The following ZNF536 variants were observed in gnomAD, a reference collection of about 807,000 sequenced individuals.
ZNF536 encodes the protein zinc finger protein 536.
A neutral mutation model predicts 84.5 loss-of-function variants in ZNF536; 13 were observed. That is an observed-to-expected ratio of 0.15 (90% CI 0.10 to 0.24). The LOEUF (loss-of-function observed/expected upper bound fraction) is 0.24. Among genes scored for constraint, ZNF536 ranks in the 10% least tolerant of loss-of-function variants. ZNF536 has a pLI of 1.00. For missense variants in ZNF536, 1,536 were observed against 1,747.5 expected (o/e 0.88, Z 2.16); for synonymous variants, 811 against 742.5 (o/e 1.09, Z -1.50).
chr19:30,605,136 T>A (rs1390386991), intron 1 of ZNF536, among the ~76,000 whole-genome samples: 1 of 152,176 alleles, frequency 6.6e-6, no homozygotes, highest in African/African-American at 2.4e-5. Flanking sequence ...ATTGATGCTG[T>A]AGGAAGGTAA....
intron 3 of ZNF536, among the ~76,000 whole-genome samples, chr19:30,541,944 T>C (rs1399409514): frequency 6.6e-6 from 1 of 152,202 alleles, no homozygotes; most frequent in African/African-American, 2.4e-5. Context: ...ATTAATGTAC[T>C]GAAGCTTTGC....
intron 2 of ZNF536, among the ~76,000 whole-genome samples, chr19:30,489,037 A>G (rs1370882496): frequency 6.6e-6 from 1 of 152,160 alleles, no homozygotes; most frequent in African/African-American, 2.4e-5. Context: ...TGCCCAAGGT[A>G]TCTGCAAGAC....
At chr19:30,319,365 G>T (rs1167476179) in intron 2 of ZNF536, among the ~76,000 whole-genome samples, 1 of 147,658 alleles carries the variant, frequency 6.8e-6, no homozygotes, top group Non-Finnish European at 1.5e-5. Context: ...TCAGACTGAT[G>T]TTTTTTTTTT....
At chr19:30,433,162 C>T (rs778619086) in intron 1 of ZNF536, among the ~76,000 whole-genome samples, 1 of 152,196 alleles carries the variant, frequency 6.6e-6, no homozygotes, top group Non-Finnish European at 1.5e-5. Flanking sequence ...ATGTGGCCTA[C>T]TTCTCCTCTC....
Position 30,513,723 on chromosome 19 carries a change from TG to T in ZNF536, c.2171-21121del, listed in dbSNP as rs1366865931. On this transcript the variant is annotated intron_variant, in intron 2 of 4. Transcript: ENST00000355537. ...GTGGATGGAGGATTTACCCCAAATG[TG>T]GGACTCCAGAAACACAGCTCCCGGT... is the stretch of plus-strand genomic sequence containing the variant. 2.6e-5 allele frequency among the ~76,000 whole-genome samples: 4 copies of T among 151,996 alleles called. No individual in the cohort carries two copies. The East Asian group carries it at 7.7e-4, about 29-fold the overall frequency.
intron 3 of ZNF536, among the ~76,000 whole-genome samples, chr19:30,536,873 T>C (rs2045105031): frequency 1.3e-5 from 2 of 152,184 alleles, no homozygotes; most frequent in Non-Finnish European, 2.9e-5. Context: ...CTCTGCCAGA[T>C]AGTTGCATGG....
At chr19:30,634,081 C>T (rs538485065) in intron 1 of ZNF536, among the ~76,000 whole-genome samples, 2 of 152,128 alleles carry the variant, frequency 1.3e-5, no homozygotes, top group African/African-American at 2.4e-5. Flanking sequence ...GCAGGAAGGT[C>T]GTTTCCATTG....
chr19:30,380,673 A>C (rs2048989099), intron 1 of ZNF536, among the ~76,000 whole-genome samples: 1 of 152,078 alleles, frequency 6.6e-6, no homozygotes, highest in South Asian at 2.1e-4. Context: ...CTTAGCCTTA[A>C]GGCAGTGAGA....
At chr19:30,494,037 G>T (rs2054616216) in intron 2 of ZNF536, among the ~76,000 whole-genome samples, 1 of 152,024 alleles carries the variant, frequency 6.6e-6, no homozygotes, top group Non-Finnish European at 1.5e-5. Context: ...CCCTGCCCCT[G>T]TTTGCCCATC....
At chr19:30,563,867 A>C (rs1173037638) in intron 1 of ZNF536, among the ~76,000 whole-genome samples, 1 of 152,192 alleles carries the variant, frequency 6.6e-6, no homozygotes, top group Non-Finnish European at 1.5e-5. Context: ...ACCCCTGCGG[A>C]TGAGCCCAAG....
chr19:30,303,794 A>G (rs1053840196), intron 2 of ZNF536, among the ~76,000 whole-genome samples: 3 of 152,096 alleles, frequency 2.0e-5, no homozygotes, highest in East Asian at 1.9e-4. Context: ...TGCCCAGCCG[A>G]CACTTTTTTA....
chr19:30,590,921 G>C (rs993612651), intron 1 of ZNF536, among the ~76,000 whole-genome samples: 1 of 152,244 alleles, frequency 6.6e-6, no homozygotes, highest in Non-Finnish European at 1.5e-5. Flanking sequence ...AAACTGGCAA[G>C]GGGCAAAGGG....
intron 1 of ZNF536, among the ~76,000 whole-genome samples, chr19:30,382,915 A>G (rs942029871): frequency 6.6e-6 from 1 of 152,234 alleles, no homozygotes; most frequent in African/African-American, 2.4e-5. Flanking sequence ...TGTGCAAAAG[A>G]ATTTCCCATA....
Position 30,300,910 on chromosome 19 carries a change from C to G in ZNF536, c.-120+16769C>G, listed in dbSNP as rs367680682. ...GTCCTAGCTCTGCCGCTAACTAGCT[C>G]CATGACCTTGGTCAAATCTCTTAGC... On this transcript the variant is annotated intron_variant, in intron 2 of 5. Transcript: ENST00000585628. Among the ~76,000 whole-genome samples, 330 of 152,320 alleles carry G rather than the reference C, an allele frequency of 2.2e-3. 1 individual carries two copies. The highest frequency in any genetic ancestry group is 7.5e-3 in the African/African-American group (311 of 41,568).
At chr19:30,314,422 T>C (rs1291730634) in intron 2 of ZNF536, among the ~76,000 whole-genome samples, 1 of 152,094 alleles carries the variant, frequency 6.6e-6, no homozygotes, top group Non-Finnish European at 1.5e-5. Flanking sequence ...CAGGTGCCCT[T>C]GGTACCTGCT....
At chr19:30,642,369 A>G (rs934151664) in intron 1 of ZNF536, among the ~76,000 whole-genome samples, 2 of 152,132 alleles carry the variant, frequency 1.3e-5, no homozygotes, top group African/African-American at 4.8e-5. Flanking sequence ...AAGTTCTTCT[A>G]GTCAATCCTT....
At chr19:30,598,622 C>T (rs1482527987) in intron 1 of ZNF536, among the ~76,000 whole-genome samples, 5 of 152,082 alleles carry the variant, frequency 3.3e-5, no homozygotes, top group African/African-American at 1.2e-4. Context: ...CTAGACAACT[C>T]CTATCCACAG....
chr19:30,232,584 T>C lies in ZNF536; in HGVS notation c.-190+3911T>C, dbSNP rs149321728. Among the ~76,000 whole-genome samples, 349 of 152,366 alleles carry C rather than the reference T, an allele frequency of 2.3e-3. 1 individual carries two copies. The highest frequency in any genetic ancestry group is 8.0e-3 in the African/African-American group (331 of 41,588). ...TCGCTTAGGATAATGAGCTTTCACTTTTAAAAATCACTGTAGATCTCTGGT... is the reference window on the plus strand; with the variant it reads ...TCGCTTAGGATAATGAGCTTTCACTCTTAAAAATCACTGTAGATCTCTGGT... On this transcript the variant is annotated intron_variant, in intron 1 of 5. Transcript: ENST00000585628.
chr19:30,375,276 C>T (rs1414650356), intron 1 of ZNF536, among the ~76,000 whole-genome samples: 11 of 150,238 alleles, frequency 7.3e-5, no homozygotes, highest in Non-Finnish European at 7.4e-5. Context: ...CCTGCCCGCG[C>T]CCGGGCCCCG....
Sources: allele counts gnomAD v4.1 joint callset (sites outside exome capture counted in the v4.1 genomes callset), GRCh38; gene constraint gnomAD v4.1.1; transcripts MANE v1.5; gene names NCBI Gene and HGNC (gene_info 2026-07-23, HGNC 2026-07-21).